The following TFG variants were observed in gnomAD, a reference collection of about 807,000 sequenced individuals.
TFG encodes trafficking from ER to golgi regulator, also known as protein TFG.
In TFG, 22 loss-of-function variants were observed where a neutral mutation model predicts 51.4. The observed-to-expected ratio is 0.43, with a 90% confidence interval of 0.31 to 0.61. The LOEUF (loss-of-function observed/expected upper bound fraction) is 0.61. Among genes scored for constraint, TFG ranks in the 20% least tolerant of loss-of-function variants. The pLI is 0.12. For synonymous variants in TFG, 187 were observed against 165.6 expected, an observed-to-expected ratio of 1.13 and a Z score of -0.99; for missense variants, 419 against 487.7, an observed-to-expected ratio of 0.86 and a Z score of 1.33.
intron 1 of TFG, among the ~76,000 whole-genome samples, chr3:100,710,724 T>C (rs1338802314): frequency 1.3e-5 from 2 of 152,166 alleles, no homozygotes; most frequent in Non-Finnish European, 2.9e-5. Flanking sequence ...GGTTATATTA[T>C]ACAAGTTAGA....
At chr3:100,726,346 C>T (rs1435701462) in intron 3 of TFG, among the ~76,000 whole-genome samples, 1 of 152,172 alleles carries the variant, frequency 6.6e-6, no homozygotes, top group African/African-American at 2.4e-5. Context: ...GTGGTGCCCA[C>T]CAACACTGAA....
intron 3 of TFG, among the ~76,000 whole-genome samples, chr3:100,728,061 T>C (rs2149077185): frequency 6.6e-6 from 1 of 152,302 alleles, no homozygotes; most frequent in East Asian, 1.9e-4. Flanking sequence ...CTTGAACTCC[T>C]GGGCTCAAGC....
chr3:100,746,046 GACTTA>G lies in TFG; in HGVS notation c.820+1120_820+1124del, dbSNP rs1288175870. On this transcript the variant is annotated intron_variant, in intron 7 of 7. Coordinates refer to ENST00000240851, the MANE Select transcript of TFG (RefSeq NM_006070.6). ...ATTTAGATTGTATTTGCTGTAGAGT[GACTTA>G]ACTTGTAGCTACTTGTTTTTAATTG... 3.3e-5 allele frequency among the ~76,000 whole-genome samples: 5 copies of G among 152,162 alleles called. No individual in the cohort carries two copies. The South Asian group carries it at 6.2e-4, about 19-fold the overall frequency.
intron 6 of TFG, 40 bp from the exon 7 acceptor site, chr3:100,744,793 C>A: frequency 7.3e-7 from 1 of 1,366,882 alleles, no homozygotes; most frequent in Non-Finnish European, 1.0e-6. Context: ...CCACATTAAA[C>A]ATGCCTTTTT....
chr3:100,736,361 C>G (rs1369838660), intron 5 of TFG, among the ~76,000 whole-genome samples: 1 of 152,052 alleles, frequency 6.6e-6, no homozygotes, highest in Non-Finnish European at 1.5e-5. Context: ...TAGTACTCTA[C>G]ACTTTATAAG....
chr3:100,742,968 TC>T (rs2095125329), intron 6 of TFG: 1 of 152,172 alleles, frequency 6.6e-6, no homozygotes, highest in South Asian at 2.1e-4. Flanking sequence ...GACCAGGAGT[TC>T]CTTACTCATT....
rs1221763293 is a variant in TFG, at chr3:100,748,610, TGAA to T, written c.*84_*86del. The T allele has an allele frequency of 2.6e-5, 36 of 1,390,364 alleles. No homozygotes were observed. The highest frequency in any genetic ancestry group is 4.9e-5 in the South Asian group (3 of 60,856). 86.1% of individuals were successfully genotyped at this position (1,390,364 alleles called of 1,614,324 possible). A position where few individuals can be genotyped will look rare whatever the true frequency, so the allele number is the denominator to read the frequency against. ...ACTCCAGTACTATTTTAATTTGTAT[TGAA>T]GAAGTTCAGAAATTTAAAAGCAGAG... On this transcript the variant is annotated 3_prime_UTR_variant, in exon 8 of 8. Transcript: ENST00000240851.
chr3:100,713,920 A>C, intron 2 of TFG, 51 bp downstream of exon 2: 1 of 1,249,674 alleles, frequency 8.0e-7, no homozygotes, highest in East Asian at 2.6e-5. Context: ...AAAAAAAAAA[A>C]AAAAGACAGA....
At chr3:100,725,622 C>CA (rs763163559) in intron 3 of TFG, among the ~76,000 whole-genome samples, 1,181 of 83,444 alleles carry the variant, frequency 0.014, 14 homozygotes, top group African/African-American at 0.042. Context: ...ACCAAAAATA[C>CA]AAAAAAAAAA....
chr3:100,744,620 A>G, intron 6 of TFG: 1 of 388,730 alleles, frequency 2.6e-6, no homozygotes, highest in South Asian at 8.0e-5. Flanking sequence ...GTTTATTGCC[A>G]GTTAGTTCTC....
chr3:100,719,964 TTA>T lies in TFG; in HGVS notation c.185-10_185-9del. On this transcript the variant is annotated splice_polypyrimidine_tract_variant and intron_variant, in intron 2 of 7. Coordinates refer to ENST00000240851, the MANE Select transcript of TFG (RefSeq NM_006070.6). ...AATTAAAAAACAACCTTTTTTTTTT[TTA>T]AATTCCAGATGGAGATCTTATAACA... 1.3e-6 allele frequency: 2 copies of T among 1,513,540 alleles called. No individual in the cohort carries two copies. Among genetic ancestry groups the T allele is most frequent in the Non-Finnish European group, 1.8e-6 (2 of 1,119,678 alleles). The allele number at this position is 1,513,540 out of a possible 1,614,324, so 93.8% of individuals were successfully genotyped here.
At chr3:100,712,182 G>C (rs1285322211) in intron 1 of TFG, among the ~76,000 whole-genome samples, 1 of 152,214 alleles carries the variant, frequency 6.6e-6, no homozygotes, top group Middle Eastern at 3.4e-3. Context: ...ATTAATTTAA[G>C]GACTAGTTAG....
At chr3:100,731,096 C>T (rs914255694) in intron 4 of TFG, among the ~76,000 whole-genome samples, 2 of 152,112 alleles carry the variant, frequency 1.3e-5, no homozygotes, top group East Asian at 1.9e-4. Flanking sequence ...TACTTATATT[C>T]GGTTTAGCAC....
rs144233495 is a variant in TFG, at chr3:100,728,293, C to T, written c.269-419C>T. 6.0e-3 allele frequency among the ~76,000 whole-genome samples: 909 copies of T among 151,044 alleles called. 13 individuals carry two copies. Among genetic ancestry groups the T allele is most frequent in the African/African-American group, 0.021 (864 of 41,196 alleles). Reference sequence around the variant, plus strand: ...TATTTTTGTATTATTTTAAGAATAGCGTGAAATAAAATGAGCTTTTTAAGT... The same window carrying T: ...TATTTTTGTATTATTTTAAGAATAGTGTGAAATAAAATGAGCTTTTTAAGT... On this transcript the variant is annotated intron_variant, in intron 3 of 7. Coordinates refer to ENST00000240851, the MANE Select transcript of TFG (RefSeq NM_006070.6).
chr3:100,728,904 T>C (rs374000062), intron 4 of TFG, 46 bp downstream of exon 4: 1 of 1,473,298 alleles, frequency 6.8e-7, no homozygotes, highest in Non-Finnish European at 9.0e-7. Context: ...TCTTACGTCT[T>C]TTTGGAGGTT....
At chr3:100,742,433 A>C (rs1263729348) in intron 6 of TFG, 2 of 152,220 alleles carry the variant, frequency 1.3e-5, no homozygotes, top group African/African-American at 4.8e-5. Flanking sequence ...CAAATAAGAT[A>C]ATGATTTATG....
At chr3:100,715,572 A>T (rs1440333705) in intron 2 of TFG, among the ~76,000 whole-genome samples, 1 of 152,178 alleles carries the variant, frequency 6.6e-6, no homozygotes, top group African/African-American at 2.4e-5. Flanking sequence ...TGTTTTTGTG[A>T]TGTGTAGTCT....
rs1385611708 is a variant in TFG at position 100,748,375 on chromosome 3, G to A, written c.1047G>A (p.Met349Ile). ...YTVAPASQPG[M>I]APSQPGAYQP... ...TGGCTCCTGCCTCTCAACCTGGAAT[G>A]GCTCCAAGCCAACCTGGGGCCTATC... Residue 349 changes from methionine (M) to isoleucine (I), a missense_variant, in exon 8 of 8, where the codon ATG becomes ATA. Physicochemically the swap from Met to Ile is conservative, Grantham distance 10. Transcript: ENST00000240851. 2 of 1,614,104 alleles carry A rather than the reference G, an allele frequency of 1.2e-6. No individual in the cohort carries two copies. The highest frequency in any genetic ancestry group is 2.2e-5 in the East Asian group (1 of 44,882).
intron 2 of TFG, among the ~76,000 whole-genome samples, chr3:100,718,031 C>T (rs1445049454): frequency 6.6e-6 from 1 of 152,016 alleles, no homozygotes; most frequent in Non-Finnish European, 1.5e-5. Flanking sequence ...CTCAAGCAGT[C>T]CTTGCAACTC....
Sources: gnomAD v4.1 joint callset for allele counts (sites outside exome capture counted in the v4.1 genomes callset) on GRCh38, gnomAD v4.1.1 for gene constraint, MANE v1.5 for transcripts, NCBI Gene and HGNC (gene_info 2026-07-23, HGNC 2026-07-21) for gene names.